CHSY3: variants seen among roughly 807,000 people sequenced by gnomAD.
CHSY3 encodes chondroitin sulfate synthase 3.
Under a neutral mutation model 67.2 loss-of-function variants are expected in CHSY3, and 35 were observed. That is an observed-to-expected ratio of 0.52 (90% CI 0.40 to 0.69). The LOEUF (loss-of-function observed/expected upper bound fraction) is 0.69. Among genes scored for constraint, CHSY3 ranks in the 30% least tolerant of loss-of-function variants. CHSY3 has a pLI of 0.00. For synonymous variants in CHSY3, 474 were observed against 434.7 expected (o/e 1.09, Z -1.12); for missense variants, 1,069 against 1,138.5 (o/e 0.94, Z 0.88).
At chr5:130,080,834 A>G (rs1247318360) in intron 2 of CHSY3, among the ~76,000 whole-genome samples, 2 of 152,078 alleles carry the variant, frequency 1.3e-5, no homozygotes, top group Non-Finnish European at 2.9e-5. Flanking sequence ...TCACCCTCAA[A>G]AGGTTCACAG....
intron 2 of CHSY3, among the ~76,000 whole-genome samples, chr5:130,015,846 C>T (rs1487126482): frequency 5.3e-5 from 8 of 152,048 alleles, no homozygotes; most frequent in Admixed American, 1.3e-4. Context: ...TGCCCATTAA[C>T]GGTGGATTGA....
rs930571016 is a variant in CHSY3 at position 130,157,703 on chromosome 5, G to A, written c.1087-26526G>A. On this transcript the variant is annotated intron_variant, in intron 2 of 2. Coordinates refer to ENST00000305031, the MANE Select transcript of CHSY3 (RefSeq NM_175856.5). ...CTGGATTTCGAGCAAGAAAGAATTC[G>A]AGGTGAATCCATAGGGTAAAGTGAA... is the stretch of plus-strand genomic sequence containing the variant. Among the ~76,000 whole-genome samples the A allele has an allele frequency of 3.3e-5, 5 of 152,042 alleles. No individual in the cohort carries two copies. In the East Asian group the frequency reaches 7.7e-4, roughly 23 times the overall value.
intron 2 of CHSY3, among the ~76,000 whole-genome samples, chr5:130,048,316 G>T (rs1325411960): frequency 6.6e-6 from 1 of 152,028 alleles, no homozygotes; most frequent in African/African-American, 2.4e-5. Flanking sequence ...TATATAAAAT[G>T]AAATATATAG....
chr5:130,158,800 G>A lies in CHSY3; in HGVS notation c.1087-25429G>A, dbSNP rs139243664. On this transcript the variant is annotated intron_variant, in intron 2 of 2. Coordinates refer to ENST00000305031, the MANE Select transcript of CHSY3 (RefSeq NM_175856.5). ...GAATTTCCATTTTTTTTATTTGTTT[G>A]TTTATTTATTTATTTTAGAGACAGG... Among the ~76,000 whole-genome samples, 324 of 152,110 alleles carry A rather than the reference G, an allele frequency of 2.1e-3. 2 individuals are homozygous for A. Among genetic ancestry groups the A allele is most frequent in the Middle Eastern group, 6.8e-3 (2 of 294 alleles).
At chr5:130,175,779 G>T (rs1249661058) in intron 2 of CHSY3, among the ~76,000 whole-genome samples, 1 of 152,172 alleles carries the variant, frequency 6.6e-6, no homozygotes, top group African/African-American at 2.4e-5. Flanking sequence ...TTTGTAAATG[G>T]TGTTGGGAAA....
At chr5:129,924,505 G>T (rs1314796608) in intron 2 of CHSY3, among the ~76,000 whole-genome samples, 13 of 151,762 alleles carry the variant, frequency 8.6e-5, no homozygotes, top group African/African-American at 2.9e-4. Flanking sequence ...CATTAGCCAG[G>T]CATGGTGGCA....
chr5:129,964,737 T>C (rs1353674087), intron 2 of CHSY3, among the ~76,000 whole-genome samples: 1 of 151,904 alleles, frequency 6.6e-6, no homozygotes, highest in African/African-American at 2.4e-5. Context: ...ATAAGACTGG[T>C]TATTAGTAAT....
At chr5:129,990,389 T>TGTGTGC (rs1763328133) in intron 2 of CHSY3, among the ~76,000 whole-genome samples, 1 of 151,338 alleles carries the variant, frequency 6.6e-6, no homozygotes, top group African/African-American at 2.4e-5. Context: ...TGTGTGTGTG[T>TGTGTGC]GTGTGTGTGT....
chr5:129,920,099 C>T (rs1002481798), intron 2 of CHSY3, among the ~76,000 whole-genome samples: 10 of 152,096 alleles, frequency 6.6e-5, no homozygotes, highest in African/African-American at 2.2e-4. Flanking sequence ...ATTGTCATCC[C>T]CCTATTTACC....
intron 2 of CHSY3, among the ~76,000 whole-genome samples, chr5:130,054,439 G>A (rs918276003): frequency 2.0e-5 from 3 of 152,068 alleles, no homozygotes; most frequent in Non-Finnish European, 4.4e-5. Context: ...TTAGAATCAG[G>A]ATTCCTTGTT....
chr5:130,100,580 C>T (rs1421432051), intron 2 of CHSY3, among the ~76,000 whole-genome samples: 14 of 152,056 alleles, frequency 9.2e-5, no homozygotes, highest in Admixed American at 9.2e-4. Flanking sequence ...GTTGAAATGA[C>T]AAAGTCAAAT....
At chr5:130,072,091 T>C (rs1766092641) in intron 2 of CHSY3, among the ~76,000 whole-genome samples, 1 of 152,034 alleles carries the variant, frequency 6.6e-6, no homozygotes, top group South Asian at 2.1e-4. Flanking sequence ...TATGTATTTT[T>C]TATATTAACC....
intron 2 of CHSY3, among the ~76,000 whole-genome samples, chr5:130,020,440 TATATATATA>T (rs1764339183): frequency 5.5e-5 from 1 of 18,180 alleles, no homozygotes; most frequent in African/African-American, 1.3e-4. Context: ...TATATATATA[TATATATATA>T]TATATATATA....
intron 2 of CHSY3, among the ~76,000 whole-genome samples, chr5:129,973,215 T>C (rs1403280779): frequency 6.6e-6 from 1 of 152,150 alleles, no homozygotes; most frequent in Non-Finnish European, 1.5e-5. Context: ...ATTCACATTA[T>C]ATTATTCAAT....
rs1387815171 is a variant in CHSY3, at chr5:130,143,302, CATA to C, written c.1087-40923_1087-40921del. ...TCCAGAGTAGGTTGTGATTACAAGACATAATATTGAATTTACTAGGAAAAAGAA... is the reference window on the plus strand; with the variant it reads ...TCCAGAGTAGGTTGTGATTACAAGACATATTGAATTTACTAGGAAAAAGAA... On this transcript the variant is annotated intron_variant, in intron 2 of 2. Transcript: ENST00000305031. Among the ~76,000 whole-genome samples the C allele has an allele frequency of 3.3e-5, 5 of 152,098 alleles. No homozygotes were observed. In the East Asian group the frequency reaches 9.7e-4, roughly 29 times the overall value.
At chr5:130,037,017 T>C (rs1764880756) in intron 2 of CHSY3, among the ~76,000 whole-genome samples, 1 of 152,104 alleles carries the variant, frequency 6.6e-6, no homozygotes, top group South Asian at 2.1e-4. Flanking sequence ...TCCAAGAACA[T>C]ATGGTATCCT....
intron 2 of CHSY3, among the ~76,000 whole-genome samples, chr5:129,972,602 AGT>A (rs150508899): frequency 1.3e-5 from 2 of 150,302 alleles, no homozygotes; most frequent in Non-Finnish European, 1.5e-5. Context: ...TGATCTCTGC[AGT>A]GTGTGTGTGT....
chr5:130,066,999 A>G (rs1480777722), intron 2 of CHSY3, among the ~76,000 whole-genome samples: 4 of 152,114 alleles, frequency 2.6e-5, no homozygotes, highest in Non-Finnish European at 5.9e-5. Flanking sequence ...AATTTTGTGA[A>G]CTAGCACCTC....
At chr5:130,027,838 A>C (rs986219563) in intron 2 of CHSY3, among the ~76,000 whole-genome samples, 3 of 152,112 alleles carry the variant, frequency 2.0e-5, no homozygotes, top group African/African-American at 7.2e-5. Context: ...TCCATGGTGT[A>C]TATGTGCCAC....
Sources: gnomAD v4.1 joint callset for allele counts (sites outside exome capture counted in the v4.1 genomes callset) on GRCh38, gnomAD v4.1.1 for gene constraint, MANE v1.5 for transcripts, NCBI Gene and HGNC (gene_info 2026-07-23, HGNC 2026-07-21) for gene names.